The following DNAJC6 variants were observed in gnomAD, a reference collection of about 807,000 sequenced individuals.
DNAJC6 encodes the protein auxilin.
In DNAJC6, 34 loss-of-function variants were observed where a neutral mutation model predicts 110.0. That is an observed-to-expected ratio of 0.31 (90% confidence interval 0.24 to 0.41). The LOEUF is 0.41. DNAJC6 is among the 10% of genes least tolerant of loss of function. The probability of loss-of-function intolerance (pLI) is 1.00; values close to 1 mark genes in which losing one functional copy is unlikely to be tolerated. For synonymous variants in DNAJC6, 406 were observed against 437.2 expected (o/e 0.93, Z 0.89); for missense variants, 1,031 against 1,207.8 (o/e 0.85, Z 2.17).
At chr1:65,398,099 G>A (rs1645996709) in intron 13 of DNAJC6, among the ~76,000 whole-genome samples, 1 of 152,178 alleles carries the variant, frequency 6.6e-6, no homozygotes, top group Admixed American at 6.5e-5. Context: ...CTACGCACAT[G>A]TATTCCTCTA....
At chr1:65,343,264 T>A (rs1394100408) in intron 1 of DNAJC6, among the ~76,000 whole-genome samples, 1 of 152,164 alleles carries the variant, frequency 6.6e-6, no homozygotes, top group Non-Finnish European at 1.5e-5. Flanking sequence ...GGATGAGGAT[T>A]TATGCATATA....
At chr1:65,376,428 T>G (rs1425570430) in intron 4 of DNAJC6, among the ~76,000 whole-genome samples, 1 of 151,960 alleles carries the variant, frequency 6.6e-6, no homozygotes, top group Non-Finnish European at 1.5e-5. Context: ...TTCTAGTAAT[T>G]TTGGCTTTAG....
chr1:65,372,303 C>T (rs1427511144), intron 4 of DNAJC6, among the ~76,000 whole-genome samples: 2 of 152,066 alleles, frequency 1.3e-5, no homozygotes, highest in East Asian at 3.8e-4. Flanking sequence ...GTTCCCTCCT[C>T]AAGATATGGT....
At chr1:65,379,718 G>T in intron 5 of DNAJC6, 194 bp downstream of exon 5, 1 of 740,744 alleles carries the variant, frequency 1.3e-6, no homozygotes. Flanking sequence ...ACTACTAGTG[G>T]GAAAGGCAGA....
intron 1 of DNAJC6, among the ~76,000 whole-genome samples, chr1:65,295,929 T>G (rs1644924608): frequency 6.6e-6 from 1 of 152,194 alleles, no homozygotes; most frequent in Non-Finnish European, 1.5e-5. Flanking sequence ...ACCACTATGC[T>G]CTCCAATCTT....
At chr1:65,314,911 T>C (rs1229855344) in intron 1 of DNAJC6, among the ~76,000 whole-genome samples, 1 of 152,254 alleles carries the variant, frequency 6.6e-6, no homozygotes. Flanking sequence ...TTTCAAATGC[T>C]TGGAGACTGC....
Position 65,406,078 on chromosome 1 carries a change from C to T in DNAJC6, c.2436C>T (p.Ser812=), listed in dbSNP as rs761160074. The T allele has an allele frequency of 1.9e-6, 3 of 1,614,070 alleles. No individual in the cohort carries two copies. The highest frequency in any genetic ancestry group is 2.2e-5 in the East Asian group (1 of 44,878). ...SPQNRPNYNV[S]FSAMPGGQNE... is the part of the protein sequence containing the mutation. ...AGAACCGACCCAACTACAACGTGAG[C>T]TTCTCAGCCATGCCTGGGGGCCAGA... The change falls in exon 16 of 19, where the codon AGC becomes AGT. Residue 812 remains serine (S), a synonymous_variant. Coordinates refer to ENST00000371069, the MANE Select transcript of DNAJC6 (RefSeq NM_001256864.2).
chr1:65,309,206 C>T (rs376913371), upstream of DNAJC6, among the ~76,000 whole-genome samples: 3 of 152,166 alleles, frequency 2.0e-5, no homozygotes, highest in South Asian at 6.2e-4. Context: ...CTCTGTCACA[C>T]GCGTGCGAAC....
intron 1 of DNAJC6, among the ~76,000 whole-genome samples, chr1:65,354,093 C>G (rs76771084): frequency 6.6e-6 from 1 of 152,084 alleles, no homozygotes; most frequent in East Asian, 1.9e-4. Context: ...ATGAAACATG[C>G]TTCTTGCTGT....
At chr1:65,278,363 A>C (rs1339854935) in intron 1 of DNAJC6, among the ~76,000 whole-genome samples, 1 of 152,234 alleles carries the variant, frequency 6.6e-6, no homozygotes, top group Non-Finnish European at 1.5e-5. Context: ...AAGGCAACAG[A>C]GTGATTGGTG....
chr1:65,310,458 C>CT (rs1645088990), intron 1 of DNAJC6, among the ~76,000 whole-genome samples: 1 of 152,260 alleles, frequency 6.6e-6, no homozygotes, highest in Non-Finnish European at 1.5e-5. Flanking sequence ...ACTCAGCCGT[C>CT]TGCTAGGGTT....
At chr1:65,343,461 C>G (rs1645408005) in intron 1 of DNAJC6, among the ~76,000 whole-genome samples, 2 of 152,116 alleles carry the variant, frequency 1.3e-5, no homozygotes, top group Admixed American at 6.6e-5. Flanking sequence ...GTGTGCCATT[C>G]TGAGTAGTGT....
Position 65,400,746 on chromosome 1 carries a change from G to T in DNAJC6, c.2108-1015G>T, listed in dbSNP as rs764524209. On this transcript the variant is annotated intron_variant, in intron 14 of 18. Coordinates refer to ENST00000371069, the MANE Select transcript of DNAJC6 (RefSeq NM_001256864.2). ...CATTCATCCATTAATGGACACTTAG[G>T]TTGATTCCATATCTTGGCTGTTGTG... Among the ~76,000 whole-genome samples the T allele has an allele frequency of 7.9e-5, 12 of 152,108 alleles. 1 individual carries two copies. The highest frequency in any genetic ancestry group is 1.8e-4 in the Non-Finnish European group (12 of 68,030).
intron 1 of DNAJC6, among the ~76,000 whole-genome samples, chr1:65,295,168 T>C (rs1438294299): frequency 4.6e-5 from 7 of 152,162 alleles, no homozygotes; most frequent in Admixed American, 1.3e-4. Context: ...CTGAATTAAC[T>C]AAATTGAAAA....
chr1:65,302,078 G>A (rs539408894), intron 1 of DNAJC6, among the ~76,000 whole-genome samples: 13 of 92,708 alleles, frequency 1.4e-4, no homozygotes, highest in East Asian at 5.9e-4. Flanking sequence ...TATATAATAC[G>A]TATTATATAT....
At chr1:65,328,734 A>G (rs987601350) in intron 1 of DNAJC6, among the ~76,000 whole-genome samples, 6 of 152,180 alleles carry the variant, frequency 3.9e-5, no homozygotes, top group Admixed American at 1.3e-4. Context: ...TAATGGTGGA[A>G]CCTTAGAGTT....
intron 17 of DNAJC6, 77 bp downstream of exon 17, chr1:65,408,860 C>T (rs1361466761): frequency 3.4e-5 from 52 of 1,519,328 alleles, no homozygotes; most frequent in South Asian, 7.8e-5. Flanking sequence ...ATGGAGCTAT[C>T]GCCATGAGAG....
intron 1 of DNAJC6, among the ~76,000 whole-genome samples, chr1:65,347,407 T>C (rs1410604336): frequency 1.4e-5 from 2 of 147,706 alleles, no homozygotes; most frequent in African/African-American, 2.5e-5. Flanking sequence ...TAGATTTTCT[T>C]TTTTTTTTTT....
chr1:65,315,765 C>T (rs868756027), intron 1 of DNAJC6, among the ~76,000 whole-genome samples: 2 of 152,044 alleles, frequency 1.3e-5, no homozygotes, highest in African/African-American at 2.4e-5. Context: ...GGTTAAGTTG[C>T]GTGAGGTTAC....
Sources: gnomAD v4.1 joint callset for allele counts (sites outside exome capture counted in the v4.1 genomes callset) on GRCh38, gnomAD v4.1.1 for gene constraint, MANE v1.5 for transcripts, NCBI Gene and HGNC (gene_info 2026-07-23, HGNC 2026-07-21) for gene names.